The following PPP1R1C variants were observed in gnomAD, a reference collection of about 807,000 sequenced individuals.
PPP1R1C encodes the protein protein phosphatase 1 regulatory inhibitor subunit 1C.
PPP1R1C carries 15 observed loss-of-function variants against 17.4 expected under a neutral mutation model. The observed-to-expected ratio is 0.86, with a 90% CI of 0.58 to 1.33. The LOEUF (loss-of-function observed/expected upper bound fraction) is 1.33. Ranked by LOEUF, PPP1R1C falls within the 40% of genes most tolerant of loss-of-function variation. The pLI is 0.00. For missense variants in PPP1R1C, 143 were observed against 130.0 expected (o/e 1.10, Z -0.48); for synonymous variants, 35 against 43.1 (o/e 0.81, Z 0.73).
At chr2:181,996,341 A>C (rs946301973) in intron 2 of PPP1R1C, among the ~76,000 whole-genome samples, 5 of 152,186 alleles carry the variant, frequency 3.3e-5, no homozygotes, top group African/African-American at 1.2e-4. Context: ...CAGGGGGCTC[A>C]GAATTCACCT....
Position 181,962,689 on chromosome 2 carries a change from C to A in PPP1R1C, n.111+8055C>A, listed in dbSNP as rs1267828233. Among the ~76,000 whole-genome samples the A allele has an allele frequency of 6.6e-6, 1 of 152,216 alleles. No individual in the cohort carries two copies. Among genetic ancestry groups the A allele is most frequent in the Non-Finnish European group, 1.5e-5 (1 of 68,032 alleles). On this transcript the variant is annotated intron_variant and non_coding_transcript_variant, in intron 1 of 5. Coordinates refer to the PPP1R1C transcript ENST00000464264. The surrounding 1 kb of genome is among the most constrained non-coding windows in gnomAD (Gnocchi z 6.0). ...TCTAGCCTCAATAAGCAGCTGTTGA[C>A]CCCAGCAGTGTTTACTCCAGAATGA...
chr2:181,996,366 T>C (rs1251140190), intron 2 of PPP1R1C, among the ~76,000 whole-genome samples: 1 of 152,160 alleles, frequency 6.6e-6, no homozygotes, highest in East Asian at 1.9e-4. Context: ...CCTCCCAGTC[T>C]GTGTGCGGTC....
At chr2:182,057,914 A>C (rs1179842883) in intron 2 of PPP1R1C, among the ~76,000 whole-genome samples, 1 of 152,062 alleles carries the variant, frequency 6.6e-6, no homozygotes, top group Non-Finnish European at 1.5e-5. Flanking sequence ...TTATTTTTCA[A>C]GTTTTTATTA....
At chr2:181,975,788 A>C (rs1261641494) in intron 2 of PPP1R1C, among the ~76,000 whole-genome samples, 1 of 152,012 alleles carries the variant, frequency 6.6e-6, no homozygotes, top group Non-Finnish European at 1.5e-5. Context: ...TATTGCTCTT[A>C]TAGGTAAATG....
downstream of PPP1R1C, among the ~76,000 whole-genome samples, chr2:182,122,580 T>C (rs1689759388): frequency 6.6e-6 from 1 of 152,160 alleles, no homozygotes; most frequent in Non-Finnish European, 1.5e-5. Context: ...GATAATTTTA[T>C]TGGGATTGCT....
At chr2:182,002,101 G>T (rs1685783510) in intron 2 of PPP1R1C, among the ~76,000 whole-genome samples, 1 of 151,984 alleles carries the variant, frequency 6.6e-6, no homozygotes, top group African/African-American at 2.4e-5. Flanking sequence ...CTTATAGCAG[G>T]CACCAGCACC....
intron 4 of PPP1R1C, among the ~76,000 whole-genome samples, chr2:182,105,609 T>G (rs1426577822): frequency 6.6e-6 from 1 of 152,024 alleles, no homozygotes; most frequent in Non-Finnish European, 1.5e-5. Flanking sequence ...ATAAAGAAAT[T>G]TAGGGAAGTG....
At chr2:182,063,641 A>T (rs1687905249) in intron 3 of PPP1R1C, 90 bp from the exon 4 acceptor site, 2 of 966,862 alleles carry the variant, frequency 2.1e-6, no homozygotes, top group Non-Finnish European at 1.7e-6. Context: ...TTTTCATAAC[A>T]TGGCACAGTA....
intron 5 of PPP1R1C, among the ~76,000 whole-genome samples, chr2:182,128,553 A>T (rs1490063525): frequency 6.6e-6 from 1 of 152,142 alleles, no homozygotes; most frequent in East Asian, 1.9e-4. Context: ...GGCTCAGAAG[A>T]GAAATGATAT....
intron 4 of PPP1R1C, among the ~76,000 whole-genome samples, chr2:182,082,212 T>A (rs1464373252): frequency 6.6e-6 from 1 of 152,086 alleles, no homozygotes; most frequent in African/African-American, 2.4e-5. Flanking sequence ...AGAAACAAAC[T>A]CATAAAGCAA....
intron 2 of PPP1R1C, among the ~76,000 whole-genome samples, chr2:182,013,460 A>G (rs1314527057): frequency 6.6e-6 from 1 of 151,534 alleles, no homozygotes; most frequent in Non-Finnish European, 1.5e-5. Context: ...TGCTTTTAGG[A>G]TCCTTTCTTT....
At chr2:181,971,281 C>G (rs1200533756) in intron 1 of PPP1R1C, among the ~76,000 whole-genome samples, 2 of 152,158 alleles carry the variant, frequency 1.3e-5, no homozygotes, top group Non-Finnish European at 2.9e-5. Flanking sequence ...TTAATCAGCA[C>G]TTGGCAAATC....
chr2:182,076,842 A>G (rs1463093251), intron 4 of PPP1R1C, among the ~76,000 whole-genome samples: 1 of 152,204 alleles, frequency 6.6e-6, no homozygotes, highest in African/African-American at 2.4e-5. Flanking sequence ...CCTACCACGA[A>G]GAAATATGGA....
At chr2:182,014,104 C>T (rs542816536) in intron 2 of PPP1R1C, among the ~76,000 whole-genome samples, 4 of 152,212 alleles carry the variant, frequency 2.6e-5, no homozygotes, top group East Asian at 1.9e-4. Context: ...TCATATTCTT[C>T]GATTTTGGGG....
intron 2 of PPP1R1C, among the ~76,000 whole-genome samples, chr2:182,026,534 A>C (rs1170410330): frequency 2.0e-5 from 3 of 148,170 alleles, no homozygotes; most frequent in Admixed American, 6.7e-5. Flanking sequence ...ATGCGGCGTT[A>C]TTTCTGAGGG....
At chr2:181,989,764 A>G (rs577942258) in intron 2 of PPP1R1C, among the ~76,000 whole-genome samples, 1 of 152,136 alleles carries the variant, frequency 6.6e-6, no homozygotes, top group African/African-American at 2.4e-5. Flanking sequence ...ATTAGATGCA[A>G]ATAGCATCTC....
downstream of PPP1R1C, among the ~76,000 whole-genome samples, chr2:182,121,574 A>G (rs1689733897): frequency 1.3e-5 from 2 of 151,504 alleles, no homozygotes; most frequent in South Asian, 4.2e-4. Flanking sequence ...TGAAACCTCC[A>G]CCTCCCGGGT....
At position 182,075,183 on chromosome 2, in the gene PPP1R1C, T is replaced by A. The variant is rs140410192; in HGVS notation, c.241+11392T>A. On this transcript the variant is annotated intron_variant, in intron 4 of 4. Coordinates refer to ENST00000682840, the MANE Select transcript of PPP1R1C (RefSeq NM_001080545.3). ...ATCCTTGGTAGGTATACTGAAGCTATCATTTTATTCTTTTTTATGTATAAA... is the reference window on the plus strand; with the variant it reads ...ATCCTTGGTAGGTATACTGAAGCTAACATTTTATTCTTTTTTATGTATAAA... Among the ~76,000 whole-genome samples, 305 of 152,376 alleles carry A rather than the reference T, an allele frequency of 2.0e-3. 1 individual carries two copies. Among genetic ancestry groups the A allele is most frequent in the African/African-American group, 6.4e-3 (268 of 41,590 alleles).
chr2:182,124,154 C>G (rs1689807359), intron 5 of PPP1R1C, among the ~76,000 whole-genome samples: 1 of 152,060 alleles, frequency 6.6e-6, no homozygotes. Flanking sequence ...TGTCAAAGAT[C>G]AGATAGTTGT....
Sources: allele counts gnomAD v4.1 joint callset (sites outside exome capture counted in the v4.1 genomes callset), GRCh38; gene constraint gnomAD v4.1.1; non-coding constraint Gnocchi (gnomAD v3.1); transcripts MANE v1.5; gene names NCBI Gene and HGNC (gene_info 2026-07-23, HGNC 2026-07-21).